Variants in MAP3K15 observed in about 807,000 individuals in gnomAD.
The protein encoded by MAP3K15 is mitogen-activated protein kinase kinase kinase 15.
MAP3K15 carries 124 observed loss-of-function variants against 99.5 expected under a neutral mutation model. The ratio of observed to expected loss-of-function variants is 1.25; its 90% confidence interval spans 1.08 to 1.45. MAP3K15 has a LOEUF of 1.45. Ranked by LOEUF, MAP3K15 falls within the 40% of genes most tolerant of loss-of-function variation. MAP3K15 has a pLI of 0.00. For synonymous variants in MAP3K15, 494 were observed against 439.6 expected, an observed-to-expected ratio of 1.12 and a Z score of -1.55; for missense variants, 1,242 against 1,079.7, an observed-to-expected ratio of 1.15 and a Z score of -2.11.
intron 22 of MAP3K15, among the ~76,000 whole-genome samples, 183 bp downstream of exon 22, chrX:19,372,470 T>TC (rs1488667829): frequency 8.9e-6 from 1 of 112,579 alleles, no homozygotes; most frequent in African/African-American, 3.2e-5. Context: ...GAGCTTTTTT[T>TC]CTTTGTATTT....
At chrX:19,387,832 G>A (rs920704688) in intron 18 of MAP3K15, among the ~76,000 whole-genome samples, 1 of 112,723 alleles carries the variant, frequency 8.9e-6, no homozygotes, top group Non-Finnish European at 1.9e-5. Flanking sequence ...GATGGAAGGA[G>A]GAGGTGATGT....
At position 19,415,119 on chromosome X, in the gene MAP3K15, T is replaced by C. The variant is rs2063723082; in HGVS notation, c.1578A>G (p.Gly526=). The part of the protein sequence containing the change: ...IFEATNEVTN[G]LRFPVLVIEP... ...TAGCATATCTTACTGGAAATCTGAGTCCATTAGTGACTTCATTTGTTGCCT... is the reference window on the plus strand; with the variant it reads ...TAGCATATCTTACTGGAAATCTGAGCCCATTAGTGACTTCATTTGTTGCCT... The change falls in exon 10 of 29, where the codon GGA becomes GGG. Residue 526 remains glycine, a synonymous_variant. Coordinates refer to ENST00000338883, the MANE Select transcript of MAP3K15 (RefSeq NM_001001671.4). 3 of 1,160,535 alleles carry C rather than the reference T, an allele frequency of 2.6e-6. No homozygotes were observed. The highest frequency in any genetic ancestry group is 2.0e-5 in the South Asian group (1 of 50,465).
intron 16 of MAP3K15, among the ~76,000 whole-genome samples, chrX:19,394,126 C>G (rs2063548371): frequency 9.0e-6 from 1 of 110,964 alleles, no homozygotes; most frequent in African/African-American, 3.3e-5. Context: ...ATAGCAGACT[C>G]TTAATAACTG....
In MAP3K15 at chrX:19,431,348, T is replaced by A. The variant is rs1036848821; in HGVS notation, c.1166+90A>T. On this transcript the variant is annotated intron_variant, in intron 7 of 28. Transcript: ENST00000338883. ...TTTGCTCCCTGCCAACAGACAGACA[T>A]ATACATAAGGAAGAGATGCACATCC... 22 of 867,687 alleles carry A rather than the reference T, an allele frequency of 2.5e-5. No individual in the cohort carries two copies. In the African/African-American group the frequency reaches 4.0e-4, roughly 16 times the overall value. The allele number at this position is 867,687 out of a possible 1,213,427, so 71.5% of individuals were successfully genotyped here. A position where few individuals can be genotyped will look rare whatever the true frequency, so the allele number is the denominator to read the frequency against.
chrX:19,406,153 G>T (rs891638425), intron 13 of MAP3K15, among the ~76,000 whole-genome samples: 1 of 111,753 alleles, frequency 8.9e-6, no homozygotes, highest in Non-Finnish European at 1.9e-5. Flanking sequence ...TTGCTAATGG[G>T]AATATAAAAT....
intron 3 of MAP3K15, among the ~76,000 whole-genome samples, chrX:19,480,226 C>T (rs957169587): frequency 1.8e-5 from 2 of 111,529 alleles, no homozygotes; most frequent in Non-Finnish European, 3.8e-5. Context: ...TCTACAGATA[C>T]GATGCAATCC....
intron 26 of MAP3K15, among the ~76,000 whole-genome samples, chrX:19,362,278 C>T (rs893509367): frequency 1.6e-4 from 16 of 98,161 alleles, no homozygotes; most frequent in Non-Finnish European, 4.0e-5. Context: ...GTCACTCAGG[C>T]CAGAGTGCAG....
intron 1 of MAP3K15, among the ~76,000 whole-genome samples, chrX:19,509,686 A>G (rs2064504885): frequency 9.0e-6 from 1 of 111,607 alleles, no homozygotes; most frequent in African/African-American, 3.3e-5. Flanking sequence ...TAAAAGGACT[A>G]GAGAAGCAAG....
chrX:19,385,289 G>T (rs2063487175), intron 18 of MAP3K15, among the ~76,000 whole-genome samples: 1 of 111,254 alleles, frequency 9.0e-6, no homozygotes, highest in African/African-American at 3.3e-5. Context: ...CTAGTGGGGG[G>T]CTTCAGTTTT....
At chrX:19,445,171 T>C (rs1012760076) in intron 6 of MAP3K15, among the ~76,000 whole-genome samples, 7 of 111,268 alleles carry the variant, frequency 6.3e-5, no homozygotes, top group African/African-American at 9.8e-5. Flanking sequence ...CCTGTCTCCC[T>C]TCTGAAACTT....
At chrX:19,426,922 C>T (rs1282375855) in intron 7 of MAP3K15, among the ~76,000 whole-genome samples, 1 of 107,453 alleles carries the variant, frequency 9.3e-6, no homozygotes, top group Non-Finnish European at 1.9e-5. Context: ...ATAAAAGCCT[C>T]AGGGACTATA....
intron 9 of MAP3K15, among the ~76,000 whole-genome samples, chrX:19,416,597 T>C (rs1002394943): frequency 2.7e-5 from 3 of 111,804 alleles, no homozygotes; most frequent in African/African-American, 9.7e-5. Flanking sequence ...TTGCTTGATA[T>C]GTATTGCAGA....
At position 19,482,484 on chromosome X, in the gene MAP3K15, T is replaced by C. The variant is rs553996240; in HGVS notation, c.525+3998A>G. ...TCTTCGAAAACATCATCCTAAGTGATAGAAGCCAGATGCAAAAGATCACAT... is the reference window on the plus strand; with the variant it reads ...TCTTCGAAAACATCATCCTAAGTGACAGAAGCCAGATGCAAAAGATCACAT... On this transcript the variant is annotated intron_variant, in intron 3 of 28. Coordinates refer to ENST00000338883, the MANE Select transcript of MAP3K15 (RefSeq NM_001001671.4). Among the ~76,000 whole-genome samples, 69 of 112,364 alleles carry C rather than the reference T, an allele frequency of 6.1e-4. 1 individual carries two copies. In the South Asian group the frequency reaches 0.025, roughly 41 times the overall value.
At chrX:19,486,419 A>G in intron 3 of MAP3K15, 63 bp downstream of exon 3, 1 of 514,531 alleles carries the variant, frequency 1.9e-6, no homozygotes. Context: ...TCAGGCAAGC[A>G]TTTTACAAAT....
chrX:19,403,626 T>C (rs958372085), intron 13 of MAP3K15, among the ~76,000 whole-genome samples: 6 of 68,001 alleles, frequency 8.8e-5, no homozygotes, highest in Non-Finnish European at 1.3e-4. Context: ...GCTGAGCTAA[T>C]TTTTTTTTTT....
intron 6 of MAP3K15, among the ~76,000 whole-genome samples, chrX:19,438,441 C>T (rs1479095032): frequency 8.9e-6 from 1 of 111,908 alleles, no homozygotes. Context: ...AAAAACACAA[C>T]ACTGGATTGG....
rs755486793 is a variant in MAP3K15, at chrX:19,438,821, A to G, written c.996-7213T>C. Among the ~76,000 whole-genome samples the G allele has an allele frequency of 3.6e-5, 4 of 112,370 alleles. No individual in the cohort carries two copies. In the South Asian group the frequency reaches 1.5e-3, roughly 42 times the overall value. ...GGTCACCTGTCAAAAACCTTACAAG[A>G]GACTTCTGCTTCCAATTAAGATGTA... On this transcript the variant is annotated intron_variant, in intron 6 of 28. Coordinates refer to ENST00000338883, the MANE Select transcript of MAP3K15 (RefSeq NM_001001671.4).
rs143877870 is a variant in MAP3K15, at chrX:19,371,380, G to A, written c.3259C>T (p.Gln1087Ter). ...DLDFDSSSISQIHLVLFGFQD... is the reference protein window; with the variant it reads ...DLDFDSSSIS ...AATCCGAACAGCACCAGGTGAATCT[G>A]ACTGATGGACGAGCTGTCAAAGTCC... The change falls in exon 23 of 29, where the codon CAG becomes TAG. Residue 1087 changes from glutamine to a stop codon, truncating the protein, a stop_gained. Transcript: ENST00000338883. LOFTEE classifies it high-confidence loss of function. 2.1e-5 allele frequency: 26 copies of A among 1,210,743 alleles called. 1 individual carries two copies. The highest frequency in any genetic ancestry group is 2.8e-5 in the Non-Finnish European group (25 of 894,808).
chrX:19,403,359 A>G (rs1198593493), intron 13 of MAP3K15, among the ~76,000 whole-genome samples: 1 of 111,148 alleles, frequency 9.0e-6, no homozygotes, highest in African/African-American at 3.3e-5. Flanking sequence ...AATGGCAAAA[A>G]CTGCAATTAC....
Sources: gnomAD v4.1 joint callset for allele counts (sites outside exome capture counted in the v4.1 genomes callset) on GRCh38, gnomAD v4.1.1 for gene constraint, MANE v1.5 for transcripts, NCBI Gene and HGNC (gene_info 2026-07-23, HGNC 2026-07-21) for gene names.